Variants in SNTG2 observed in about 807,000 individuals in gnomAD.
SNTG2 encodes syntrophin gamma 2.
In SNTG2, 74 loss-of-function variants were observed where a neutral mutation model predicts 70.9. That is an observed-to-expected ratio of 1.04 (90% CI 0.86 to 1.27). The LOEUF is 1.27. Ranked by LOEUF, SNTG2 falls within the 50% of genes most tolerant of loss-of-function variation. The pLI, the probability that SNTG2 is intolerant of heterozygous loss-of-function variation, is 0.00. For missense variants in SNTG2, 717 were observed against 690.7 expected, an observed-to-expected ratio of 1.04 and a Z score of -0.43; for synonymous variants, 278 against 273.8, an observed-to-expected ratio of 1.02 and a Z score of -0.15.
At chr2:1,364,027 A>G (rs1401884008) in intron 16 of SNTG2, among the ~76,000 whole-genome samples, 2 of 152,114 alleles carry the variant, frequency 1.3e-5, no homozygotes, top group Non-Finnish European at 2.9e-5. Flanking sequence ...CTGGAGTGCA[A>G]TGGCACAATC....
At chr2:1,088,313 G>A (rs1177326894) in intron 2 of SNTG2, among the ~76,000 whole-genome samples, 1 of 152,110 alleles carries the variant, frequency 6.6e-6, no homozygotes, top group East Asian at 1.9e-4. Context: ...TTTCTTTCCA[G>A]TTTCTGAAAA....
chr2:1,123,616 G>A (rs1039936195), intron 4 of SNTG2, among the ~76,000 whole-genome samples: 2 of 152,178 alleles, frequency 1.3e-5, no homozygotes, highest in Non-Finnish European at 2.9e-5. Context: ...AGAAGAGAAC[G>A]TTGGAGAAGA....
intron 16 of SNTG2, among the ~76,000 whole-genome samples, chr2:1,356,788 T>TA (rs1315203631): frequency 1.3e-5 from 2 of 152,200 alleles, no homozygotes; most frequent in South Asian, 2.1e-4. Context: ...TATTAAGACT[T>TA]ACAATTCATT....
chr2:1,016,576 A>G (rs944785855), intron 1 of SNTG2, among the ~76,000 whole-genome samples: 34 of 152,230 alleles, frequency 2.2e-4, no homozygotes, highest in African/African-American at 8.2e-4. Flanking sequence ...TGCAGCCCTC[A>G]GGCTGGACTT....
chr2:1,246,178 G>A (rs62108687), intron 11 of SNTG2, among the ~76,000 whole-genome samples: 13,774 of 152,190 alleles, frequency 0.091, 693 homozygotes, highest in South Asian at 0.15. Context: ...CAGGGGATTC[G>A]TATTCAACAC....
chr2:1,196,014 CT>C (rs376754650), intron 8 of SNTG2, among the ~76,000 whole-genome samples: 7 of 151,944 alleles, frequency 4.6e-5, no homozygotes, highest in Admixed American at 2.6e-4. Context: ...AGTTTGGAAT[CT>C]TTTTTTTGTG....
chr2:1,273,304 G>T (rs12718448), intron 14 of SNTG2, among the ~76,000 whole-genome samples: 46,258 of 151,798 alleles, frequency 0.3, 7,894 homozygotes, highest in African/African-American at 0.47. Flanking sequence ...CCAAGTTTCA[G>T]AAATTTTTCT....
intron 8 of SNTG2, among the ~76,000 whole-genome samples, chr2:1,200,723 GAA>G (rs1673223482): frequency 6.6e-6 from 1 of 152,002 alleles, no homozygotes; most frequent in African/African-American, 2.4e-5. Context: ...TATCTGAATA[GAA>G]AATTCTCAAA....
chr2:1,024,286 C>T (rs954883343), intron 1 of SNTG2, among the ~76,000 whole-genome samples: 1 of 152,164 alleles, frequency 6.6e-6, no homozygotes, highest in African/African-American at 2.4e-5. Flanking sequence ...CTTAACTAAG[C>T]CATACATGAT....
intron 1 of SNTG2, among the ~76,000 whole-genome samples, chr2:1,057,901 A>G (rs4971425): frequency 0.18 from 27,698 of 152,076 alleles, 3,119 homozygotes; most frequent in East Asian, 0.5. Context: ...ATTAGGTGGC[A>G]TGGTGGCGCA....
rs770121846 is a variant in SNTG2, at chr2:1,180,090, A to G, written c.591+6907A>G. Among the ~76,000 whole-genome samples the G allele has an allele frequency of 6.9e-4, 85 of 123,884 alleles. 1 individual carries two copies. Among genetic ancestry groups the G allele is most frequent in the Non-Finnish European group, 1.1e-3 (67 of 58,478 alleles). The allele number at this position is 123,884 out of a possible 152,430, so 81.3% of individuals were successfully genotyped here. A position where few individuals can be genotyped will look rare whatever the true frequency, so the allele number is the denominator to read the frequency against. ...TTCAAGATGGATTAAAGACTTAAAC[A>G]TTAGACCTAAAACCATAAAAACCCT... On this transcript the variant is annotated intron_variant, in intron 8 of 16. Transcript: ENST00000308624.
intron 1 of SNTG2, among the ~76,000 whole-genome samples, chr2:1,021,283 G>C (rs1660157781): frequency 6.6e-6 from 1 of 152,130 alleles, no homozygotes; most frequent in African/African-American, 2.4e-5. Context: ...GGTTCAAGCT[G>C]GTTTCTGTAT....
intron 9 of SNTG2, among the ~76,000 whole-genome samples, chr2:1,215,311 G>A (rs1031587034): frequency 6.6e-6 from 1 of 152,154 alleles, no homozygotes; most frequent in Non-Finnish European, 1.5e-5. Context: ...AGAAGAATTG[G>A]TATAAGTTTT....
intron 8 of SNTG2, among the ~76,000 whole-genome samples, chr2:1,198,954 T>C (rs573719355): frequency 4.6e-5 from 7 of 152,116 alleles, no homozygotes; most frequent in Non-Finnish European, 7.4e-5. Flanking sequence ...TTCAAACTTA[T>C]AAAGAAGAAC....
intron 8 of SNTG2, among the ~76,000 whole-genome samples, chr2:1,186,168 A>G (rs1356822072): frequency 6.6e-6 from 1 of 151,760 alleles, no homozygotes; most frequent in Non-Finnish European, 1.5e-5. Context: ...CTTTGCTATA[A>G]GTGTAACAAA....
chr2:1,021,032 A>G (rs916571665), intron 1 of SNTG2, among the ~76,000 whole-genome samples: 1 of 152,162 alleles, frequency 6.6e-6, no homozygotes, highest in East Asian at 1.9e-4. Context: ...CTATAGAGAC[A>G]CTGTGGTTCC....
At chr2:1,267,997 T>A (rs36178532) in intron 14 of SNTG2, among the ~76,000 whole-genome samples, 46,495 of 152,118 alleles carry the variant, frequency 0.31, 8,014 homozygotes, top group African/African-American at 0.47. Context: ...TGGTTCTTCC[T>A]CTCAAACTTG....
intron 4 of SNTG2, among the ~76,000 whole-genome samples, chr2:1,135,214 T>C (rs962812965): frequency 3.3e-5 from 5 of 152,192 alleles, no homozygotes; most frequent in African/African-American, 7.2e-5. Flanking sequence ...CATTCTTTTC[T>C]GGGAATTTGG....
intron 14 of SNTG2, among the ~76,000 whole-genome samples, chr2:1,278,804 G>A (rs917769296): frequency 2.6e-5 from 4 of 152,166 alleles, no homozygotes; most frequent in Non-Finnish European, 5.9e-5. Flanking sequence ...GTGGTCAAAC[G>A]TGGTCCAAAG....
Sources: allele counts gnomAD v4.1 joint callset (sites outside exome capture counted in the v4.1 genomes callset), GRCh38; gene constraint gnomAD v4.1.1; transcripts MANE v1.5; gene names NCBI Gene and HGNC (gene_info 2026-07-23, HGNC 2026-07-21).